The following SCHIP1 variants were observed in gnomAD, a reference collection of about 807,000 sequenced individuals.
SCHIP1 encodes the protein schwannomin-interacting protein 1.
SCHIP1 carries 8 observed loss-of-function variants against 29.7 expected under a neutral mutation model. The ratio of observed to expected loss-of-function variants is 0.27; its 90% CI spans 0.16 to 0.49. The LOEUF is 0.49. SCHIP1 is among the 20% of genes least tolerant of loss of function. SCHIP1 has a pLI of 0.99. For missense variants in SCHIP1, 193 were observed against 294.6 expected (o/e 0.66, Z 2.52); for synonymous variants, 76 against 94.9 (o/e 0.80, Z 1.16).
the SCHIP1 span, among the ~76,000 whole-genome samples, chr3:159,732,386 T>C: frequency 1.6e-4 from 25 of 152,320 alleles, no homozygotes; most frequent in Admixed American, 1.5e-3. Context: ...GGCAGCCCCA[T>C]CCTGTGTCTG....
chr3:159,553,915 C>T, the SCHIP1 span, among the ~76,000 whole-genome samples: 1 of 151,926 alleles, frequency 6.6e-6, no homozygotes. Flanking sequence ...ATTCTTCTGC[C>T]TCAGCCTCCT....
chr3:159,580,965 T>G, the SCHIP1 span, among the ~76,000 whole-genome samples: 1 of 152,154 alleles, frequency 6.6e-6, no homozygotes, highest in Admixed American at 6.6e-5. Flanking sequence ...TCTGAAAAAT[T>G]GTGTCTCTTT....
the SCHIP1 span, among the ~76,000 whole-genome samples, chr3:159,713,602 A>G: frequency 6.6e-6 from 1 of 152,262 alleles, no homozygotes; most frequent in Admixed American, 6.5e-5. Context: ...ACCAGGAATA[A>G]CATGAAATAA....
the SCHIP1 span, among the ~76,000 whole-genome samples, chr3:159,405,508 A>G: frequency 1.3e-5 from 2 of 152,238 alleles, no homozygotes; most frequent in Non-Finnish European, 2.9e-5. Flanking sequence ...TGACATACTG[A>G]AGAACACATC....
At chr3:159,541,763 CT>C in the SCHIP1 span, among the ~76,000 whole-genome samples, 3 of 152,008 alleles carry the variant, frequency 2.0e-5, no homozygotes, top group Admixed American at 6.6e-5. Context: ...GAATGAAAAC[CT>C]TTTCAAATGT....
chr3:159,383,257 T>A, the SCHIP1 span, among the ~76,000 whole-genome samples: 1 of 151,768 alleles, frequency 6.6e-6, no homozygotes, highest in African/African-American at 2.4e-5. Flanking sequence ...CATGTAAGTC[T>A]TTAATCCATC....
the SCHIP1 span, among the ~76,000 whole-genome samples, chr3:159,314,825 A>G: frequency 1.3e-5 from 2 of 152,212 alleles, no homozygotes; most frequent in African/African-American, 2.4e-5. Flanking sequence ...TTGGATCCCA[A>G]TGGCTTATAG....
the SCHIP1 span, among the ~76,000 whole-genome samples, chr3:159,347,665 AAG>A: frequency 6.6e-6 from 1 of 152,154 alleles, no homozygotes; most frequent in Non-Finnish European, 1.5e-5. Flanking sequence ...AATGAGGCAA[AAG>A]AGAAAATACT....
intron 1 of SCHIP1, chr3:159,845,296 A>T (rs1480129337): frequency 6.6e-6 from 1 of 151,908 alleles, no homozygotes; most frequent in Non-Finnish European, 1.5e-5. Context: ...TCTCCTTCTC[A>T]GTACATTTTG....
chr3:159,432,286 ATGTGTGTGTGTGTG>A, the SCHIP1 span, among the ~76,000 whole-genome samples: 3,344 of 108,066 alleles, frequency 0.031, 62 homozygotes, highest in African/African-American at 0.064. Flanking sequence ...AGAGTAGGTG[ATGTGTGTGTGTGTG>A]TGTGTGTGTG....
chr3:159,764,681 A>G, the SCHIP1 span: 2 of 1,584,940 alleles, frequency 1.3e-6, no homozygotes, highest in Non-Finnish European at 1.7e-6. The surrounding 1 kb of genome is among the most constrained non-coding windows in gnomAD (Gnocchi z 6.1). Context: ...GGGGAGGAGG[A>G]GGAAGAGGAG....
the SCHIP1 span, among the ~76,000 whole-genome samples, chr3:159,307,276 G>T: frequency 6.6e-6 from 1 of 152,162 alleles, no homozygotes; most frequent in Non-Finnish European, 1.5e-5. Context: ...CTCGATCCCA[G>T]GATCTTTTAC....
intron 2 of SCHIP1, among the ~76,000 whole-genome samples, chr3:159,866,960 A>G (rs888115761): frequency 3.3e-5 from 5 of 151,932 alleles, no homozygotes; most frequent in Non-Finnish European, 5.9e-5. Context: ...TTTTGTTAAA[A>G]TGAAGACTCT....
chr3:159,462,414 C>T, the SCHIP1 span, among the ~76,000 whole-genome samples: 2 of 152,048 alleles, frequency 1.3e-5, no homozygotes, highest in African/African-American at 4.8e-5. Flanking sequence ...AGTTGCAAAG[C>T]CCTCCCATTT....
chr3:159,745,645 G>T, the SCHIP1 span, among the ~76,000 whole-genome samples: 51 of 152,252 alleles, frequency 3.3e-4, no homozygotes, highest in African/African-American at 1.2e-3. Flanking sequence ...TGATGCTTTA[G>T]TTTACACATT....
chr3:159,307,876 T>C, the SCHIP1 span, among the ~76,000 whole-genome samples: 1 of 152,112 alleles, frequency 6.6e-6, no homozygotes, highest in Non-Finnish European at 1.5e-5. Context: ...GAAGATAAGA[T>C]GGTTGTAGGT....
At chr3:159,647,993 C>T in the SCHIP1 span, among the ~76,000 whole-genome samples, 35 of 152,222 alleles carry the variant, frequency 2.3e-4, no homozygotes, top group South Asian at 4.6e-3. Context: ...CCACTTCTTC[C>T]GCTAGATCCC....
At chr3:159,284,286 T>C in the SCHIP1 span, among the ~76,000 whole-genome samples, 1 of 152,210 alleles carries the variant, frequency 6.6e-6, no homozygotes, top group African/African-American at 2.4e-5. Context: ...TTCCAAGATA[T>C]ATAAGTGAAT....
chr3:159,576,242 A>C, the SCHIP1 span, among the ~76,000 whole-genome samples: 2 of 152,228 alleles, frequency 1.3e-5, no homozygotes, highest in African/African-American at 4.8e-5. Flanking sequence ...CAATTCTTAC[A>C]TGTCAACTAA....
Sources: gnomAD v4.1 joint callset for allele counts (sites outside exome capture counted in the v4.1 genomes callset) on GRCh38, gnomAD v4.1.1 for gene constraint, Gnocchi (gnomAD v3.1) non-coding constraint, MANE v1.5 for transcripts, NCBI Gene and HGNC (gene_info 2026-07-23, HGNC 2026-07-21) for gene names.